The following ITCH variants were observed in gnomAD, a reference collection of about 807,000 sequenced individuals.
ITCH encodes itchy E3 ubiquitin protein ligase.
Under a neutral mutation model 126.8 loss-of-function variants are expected in ITCH, and 28 were observed. That is an observed-to-expected ratio of 0.22 (90% CI 0.16 to 0.30). The LOEUF (loss-of-function observed/expected upper bound fraction) is 0.30, where lower values mean the gene tolerates loss of function less well. Among genes scored for constraint, ITCH ranks in the 10% least tolerant of loss-of-function variants. The pLI is 1.00. For missense variants in ITCH, 631 were observed against 1,032.4 expected (o/e 0.61, Z 5.33); for synonymous variants, 342 against 340.0 (o/e 1.01, Z -0.06).
intron 18 of ITCH, 105 bp from the exon 19 acceptor site, chr20:34,480,494 G>T: frequency 2.2e-6 from 3 of 1,379,634 alleles, no homozygotes; most frequent in South Asian, 1.2e-5. Context: ...GAGCCACCAT[G>T]CCTGACCCAG....
chr20:34,445,700 A>C (rs1000249900), intron 11 of ITCH, among the ~76,000 whole-genome samples: 1 of 152,308 alleles, frequency 6.6e-6, no homozygotes, highest in East Asian at 1.9e-4. Flanking sequence ...TAAGCAAAAA[A>C]TAAGTTAGGA....
intron 2 of ITCH, among the ~76,000 whole-genome samples, chr20:34,391,576 A>C (rs1469495316): frequency 1.3e-5 from 2 of 152,196 alleles, no homozygotes; most frequent in Admixed American, 1.3e-4. Flanking sequence ...CCAATTGATA[A>C]TATACATTAT....
intron 6 of ITCH, among the ~76,000 whole-genome samples, chr20:34,415,333 A>G (rs1274479328): frequency 1.3e-5 from 2 of 151,822 alleles, no homozygotes; most frequent in East Asian, 3.9e-4. Flanking sequence ...CTGAGGCAGG[A>G]GGGTTACTTG....
At chr20:34,442,471 A>C (rs968918182) in intron 10 of ITCH, among the ~76,000 whole-genome samples, 168 bp downstream of exon 10, 6 of 152,190 alleles carry the variant, frequency 3.9e-5, no homozygotes, top group Admixed American at 1.3e-4. Context: ...ACAACTGATT[A>C]ATTCAGAGCC....
At chr20:34,438,292 G>C (rs967715731) in intron 7 of ITCH, among the ~76,000 whole-genome samples, 182 bp from the exon 8 acceptor site, 1 of 152,068 alleles carries the variant, frequency 6.6e-6, no homozygotes, top group African/African-American at 2.4e-5. Context: ...GAACTCTGGG[G>C]GTTATATAGG....
intron 24 of ITCH, among the ~76,000 whole-genome samples, chr20:34,506,250 G>A (rs970096866): frequency 6.6e-6 from 1 of 152,194 alleles, no homozygotes; most frequent in African/African-American, 2.4e-5. Context: ...TTTTTGTAGA[G>A]ACAGAGTCTT....
chr20:34,397,025 T>G (rs146677245), intron 3 of ITCH, among the ~76,000 whole-genome samples: 36 of 148,910 alleles, frequency 2.4e-4, no homozygotes, highest in East Asian at 9.8e-4. Flanking sequence ...AGGTTTTTTG[T>G]TTTTTTTTGT....
chr20:34,363,736 C>A (rs893557199), intron 1 of ITCH, among the ~76,000 whole-genome samples: 1 of 152,058 alleles, frequency 6.6e-6, no homozygotes, highest in African/African-American at 2.4e-5. Flanking sequence ...GGCGGCGGGG[C>A]CGGCGCGGGC....
intron 14 of ITCH, 43 bp downstream of exon 14, chr20:34,462,264 C>G (rs1413918550): frequency 6.3e-7 from 1 of 1,589,128 alleles, no homozygotes; most frequent in Admixed American, 1.7e-5. Context: ...AAATACTAGT[C>G]CTTCAGATTT....
chr20:34,411,107 G>A (rs1416451062), intron 4 of ITCH, among the ~76,000 whole-genome samples: 1 of 152,084 alleles, frequency 6.6e-6, no homozygotes, highest in Non-Finnish European at 1.5e-5. Flanking sequence ...ATTAAAAATA[G>A]TAAAGTTAAA....
chr20:34,425,955 A>G (rs1310975799), intron 7 of ITCH, among the ~76,000 whole-genome samples: 3 of 152,272 alleles, frequency 2.0e-5, no homozygotes, highest in Admixed American at 2.0e-4. Flanking sequence ...CCACCTGACG[A>G]GAAATACCCA....
chr20:34,432,294 T>C (rs986359070), intron 7 of ITCH, among the ~76,000 whole-genome samples: 2 of 152,132 alleles, frequency 1.3e-5, no homozygotes, highest in Non-Finnish European at 2.9e-5. Context: ...TGAATAAATT[T>C]AGCTATATAG....
chr20:34,390,171 C>T (rs1248988190), intron 2 of ITCH, among the ~76,000 whole-genome samples: 2 of 151,890 alleles, frequency 1.3e-5, no homozygotes, highest in Admixed American at 6.6e-5. Flanking sequence ...TTCAAGATGG[C>T]ATCACTCTTG....
At chr20:34,448,812 T>C (rs1359940093) in intron 11 of ITCH, among the ~76,000 whole-genome samples, 1 of 152,198 alleles carries the variant, frequency 6.6e-6, no homozygotes, top group Non-Finnish European at 1.5e-5. Flanking sequence ...GCTTTCATCT[T>C]ATCTAGCCAA....
intron 17 of ITCH, among the ~76,000 whole-genome samples, chr20:34,478,815 A>C (rs1224006048): frequency 1.3e-5 from 2 of 152,186 alleles, no homozygotes; most frequent in Non-Finnish European, 2.9e-5. Context: ...GAGTAGAAAC[A>C]TGTAATTTTG....
At chr20:34,439,818 G>T (rs1017802299) in intron 8 of ITCH, among the ~76,000 whole-genome samples, 1 of 152,150 alleles carries the variant, frequency 6.6e-6, no homozygotes, top group African/African-American at 2.4e-5. Context: ...TAAGGAGCTG[G>T]AAAATTAATA....
intron 2 of ITCH, among the ~76,000 whole-genome samples, chr20:34,376,952 G>A (rs2037869178): frequency 1.3e-5 from 2 of 152,178 alleles, no homozygotes; most frequent in Non-Finnish European, 2.9e-5. Context: ...GGAAGATACT[G>A]TGTACAGGCT....
At chr20:34,397,999 T>C (rs906435009) in intron 3 of ITCH, among the ~76,000 whole-genome samples, 2 of 152,112 alleles carry the variant, frequency 1.3e-5, no homozygotes, top group Admixed American at 6.6e-5. Flanking sequence ...TTGAATTTTT[T>C]TTTTTTTTTT....
In ITCH at chr20:34,508,983, CTG is replaced by C. The variant is rs1978471778; in HGVS notation, c.*1192_*1193del. ...TCCAGTAACCACAGGAATATATTCT[CTG>C]TGAATTAAAAGTCTTCAAAGTTATC... On this transcript the variant is annotated 3_prime_UTR_variant, in exon 25 of 25. Transcript: ENST00000374864. 6.6e-6 allele frequency: 1 copy of C among 152,440 alleles called. No homozygotes were observed. Among genetic ancestry groups the C allele is most frequent in the Non-Finnish European group, 1.5e-5 (1 of 68,018 alleles). The allele number at this position is 152,440 out of a possible 1,614,324, so 9.4% of individuals were successfully genotyped here.
Sources: gnomAD v4.1 joint callset for allele counts (sites outside exome capture counted in the v4.1 genomes callset) on GRCh38, gnomAD v4.1.1 for gene constraint, MANE v1.5 for transcripts, NCBI Gene and HGNC (gene_info 2026-07-23, HGNC 2026-07-21) for gene names.